The following WWP2 variants were observed in gnomAD, a reference collection of about 807,000 sequenced individuals.
WWP2 encodes WW domain containing E3 ubiquitin protein ligase 2.
In WWP2, 57 loss-of-function variants were observed where a neutral mutation model predicts 121.0. That is an observed-to-expected ratio of 0.47 (90% CI 0.38 to 0.59). The LOEUF (loss-of-function observed/expected upper bound fraction) is 0.59. WWP2 is among the 20% of genes least tolerant of loss of function. The pLI, the probability that WWP2 is intolerant of heterozygous loss-of-function variation, is 0.00. For missense variants in WWP2, 962 were observed against 1,158.9 expected (o/e 0.83, Z 2.47); for synonymous variants, 449 against 441.3 (o/e 1.02, Z -0.22).
At chr16:69,938,384 G>A (rs888777332) in intron 21 of WWP2, among the ~76,000 whole-genome samples, 2 of 152,174 alleles carry the variant, frequency 1.3e-5, no homozygotes, top group African/African-American at 2.4e-5. Flanking sequence ...CACCCAGGCC[G>A]AGGTGGGCAG....
chr16:69,798,750 G>A lies in WWP2; in HGVS notation c.139G>A (p.Asp47Asn), dbSNP rs765133692. The change falls in exon 3 of 24, where the codon GAT becomes AAT. Residue 47 changes from aspartate to asparagine, a missense_variant. Physicochemically the swap from Asp to Asn is conservative, Grantham distance 23. Coordinates refer to ENST00000359154, the MANE Select transcript of WWP2 (RefSeq NM_001270454.2). ...RINSYVEVAV[D>N]GLPSETKKTG... ...TAACTCCTACGTGGAGGTGGCGGTG[G>A]ATGGACTCCCCAGTGAGACCAAGAA... 1.9e-6 allele frequency: 3 copies of A among 1,614,116 alleles called. No homozygotes were observed. Among genetic ancestry groups the A allele is most frequent in the Non-Finnish European group, 1.7e-6 (2 of 1,180,026 alleles).
intron 6 of WWP2, among the ~76,000 whole-genome samples, chr16:69,848,080 TG>T (rs1263296969): frequency 6.6e-6 from 1 of 152,158 alleles, no homozygotes; most frequent in Non-Finnish European, 1.5e-5. Context: ...ATGAGAAGAA[TG>T]CATTTAATTT....
At chr16:69,902,008 C>A (rs1207692504) in intron 8 of WWP2, among the ~76,000 whole-genome samples, 2 of 152,166 alleles carry the variant, frequency 1.3e-5, no homozygotes, top group African/African-American at 4.8e-5. Flanking sequence ...ACTCTTTGCC[C>A]AGCTTTAATC....
intron 7 of WWP2, among the ~76,000 whole-genome samples, chr16:69,887,568 G>A (rs2057947431): frequency 6.6e-6 from 1 of 152,084 alleles, no homozygotes; most frequent in African/African-American, 2.4e-5. Flanking sequence ...ACCATGCCCA[G>A]CTAAATTTTG....
intron 2 of WWP2, among the ~76,000 whole-genome samples, chr16:69,792,220 G>A (rs935412655): frequency 1.3e-5 from 2 of 152,078 alleles, no homozygotes; most frequent in Admixed American, 1.3e-4. Flanking sequence ...TTAAACGTAG[G>A]ACAGCTATTT....
At chr16:69,837,625 A>G (rs902640352) in intron 4 of WWP2, among the ~76,000 whole-genome samples, 3 of 152,150 alleles carry the variant, frequency 2.0e-5, no homozygotes, top group African/African-American at 7.2e-5. Flanking sequence ...CTCCTGTTGA[A>G]CATTATCAGT....
chr16:69,919,669 G>A (rs2151975631), intron 10 of WWP2, among the ~76,000 whole-genome samples: 1 of 152,204 alleles, frequency 6.6e-6, no homozygotes, highest in Non-Finnish European at 1.5e-5. Flanking sequence ...GGACTCCCAA[G>A]TTGGCTGATT....
intron 6 of WWP2, among the ~76,000 whole-genome samples, chr16:69,844,217 C>A (rs574568020): frequency 3.7e-4 from 56 of 152,212 alleles, no homozygotes; most frequent in African/African-American, 1.3e-3. Flanking sequence ...TTGGGTCTCA[C>A]GGGGTGATGA....
intron 4 of WWP2, chr16:69,827,848 T>G (rs989111582): frequency 2.2e-6 from 1 of 454,196 alleles, no homozygotes; most frequent in Non-Finnish European, 4.4e-6. Flanking sequence ...AACTGATAAT[T>G]TATTCTAAAG....
intron 2 of WWP2, among the ~76,000 whole-genome samples, chr16:69,797,276 A>G (rs1170112143): frequency 1.3e-5 from 2 of 152,264 alleles, no homozygotes; most frequent in African/African-American, 2.4e-5. Flanking sequence ...CTAACGACAC[A>G]TGGCAAAAAT....
chr16:69,934,531 C>T (rs934885532), intron 17 of WWP2, among the ~76,000 whole-genome samples: 2 of 151,530 alleles, frequency 1.3e-5, no homozygotes, highest in African/African-American at 4.9e-5. Flanking sequence ...AATATGTGCT[C>T]TGTTGAGGGC....
intron 4 of WWP2, among the ~76,000 whole-genome samples, chr16:69,835,706 A>G (rs938710285): frequency 2.6e-5 from 4 of 152,110 alleles, no homozygotes; most frequent in African/African-American, 4.8e-5. Context: ...ACTTCACCCT[A>G]TTCTTCTAAA....
intron 6 of WWP2, among the ~76,000 whole-genome samples, chr16:69,858,328 C>G (rs760071247): frequency 4.6e-5 from 7 of 152,100 alleles, no homozygotes; most frequent in Non-Finnish European, 8.8e-5. Flanking sequence ...GTGTCCCCAG[C>G]AGGACCTAGA....
Position 69,857,190 on chromosome 16 carries a change from G to A in WWP2, c.576-14614G>A, listed in dbSNP as rs531781252. Among the ~76,000 whole-genome samples the A allele has an allele frequency of 3.9e-5, 6 of 152,002 alleles. No individual in the cohort carries two copies. In the South Asian group the frequency reaches 1.2e-3, roughly 32 times the overall value. ...GCCATCTCGGCTCATTGCAACCTCT[G>A]CCTCTGGGGTTCAAGCGATTCTCCT... On this transcript the variant is annotated intron_variant, in intron 6 of 23. Coordinates refer to ENST00000359154, the MANE Select transcript of WWP2 (RefSeq NM_001270454.2).
intron 8 of WWP2, among the ~76,000 whole-genome samples, chr16:69,906,136 G>A (rs950251796): frequency 6.6e-6 from 1 of 151,114 alleles, no homozygotes; most frequent in Admixed American, 6.6e-5. Flanking sequence ...GCAGTGGTGC[G>A]ATCTTAGCTC....
chr16:69,840,089 T>G (rs2291959), intron 4 of WWP2, 37 bp from the exon 5 acceptor site: 983,855 of 1,611,846 alleles, frequency 0.61, 306,941 homozygotes, highest in African/African-American at 0.9. Flanking sequence ...GGGTGCATTC[T>G]CTTTAGCCCA....
At chr16:69,855,467 C>G (rs1404926433) in intron 6 of WWP2, among the ~76,000 whole-genome samples, 3 of 152,168 alleles carry the variant, frequency 2.0e-5, no homozygotes, top group African/African-American at 7.2e-5. Context: ...TATAATAATG[C>G]AGAATCCCAG....
At chr16:69,843,972 C>T (rs1408709436) in intron 6 of WWP2, among the ~76,000 whole-genome samples, 1 of 152,190 alleles carries the variant, frequency 6.6e-6, no homozygotes, top group Non-Finnish European at 1.5e-5. Flanking sequence ...AAAGATCCCT[C>T]TGAGGACAGC....
intron 7 of WWP2, 83 bp from the exon 8 acceptor site, chr16:69,887,956 G>C (rs1180961224): frequency 1.3e-6 from 2 of 1,511,430 alleles, no homozygotes; most frequent in African/African-American, 2.8e-5. Flanking sequence ...TACCATGTTA[G>C]CCTATTAAGT....
Sources: allele counts gnomAD v4.1 joint callset (sites outside exome capture counted in the v4.1 genomes callset), GRCh38; gene constraint gnomAD v4.1.1; transcripts MANE v1.5; gene names NCBI Gene and HGNC (gene_info 2026-07-23, HGNC 2026-07-21).